IGF1R: variants seen among roughly 807,000 people sequenced by gnomAD.
The protein encoded by IGF1R is insulin like growth factor 1 receptor.
A neutral mutation model predicts 144.6 loss-of-function variants in IGF1R; 44 were observed. The observed-to-expected ratio is 0.30, with a 90% CI of 0.24 to 0.39. The LOEUF is 0.39. IGF1R is among the 10% of genes least tolerant of loss of function. The pLI is 1.00. For synonymous variants in IGF1R, 795 were observed against 722.8 expected (o/e 1.10, Z -1.60); for missense variants, 1,355 against 1,833.7 (o/e 0.74, Z 4.77).
intron 20 of IGF1R, 26 bp from the exon 21 acceptor site, chr15:98,957,035 C>T (rs751248572): frequency 3.0e-5 from 48 of 1,613,638 alleles, no homozygotes; most frequent in Non-Finnish European, 3.6e-5. Context: ...CCGGTTTGGA[C>T]CCCCTCCCGT....
At position 98,963,894 on chromosome 15, in the gene IGF1R, C is replaced by G. The variant is rs1350714934; in HGVS notation, c.*6452C>G. 1.3e-5 allele frequency: 3 copies of G among 233,168 alleles called. No individual in the cohort carries two copies. Among genetic ancestry groups the G allele is most frequent in the Non-Finnish European group, 2.5e-5 (3 of 118,006 alleles). 14.4% of individuals were successfully genotyped at this position (233,168 alleles called of 1,614,324 possible). ...TGGATTGTTGGCCATGTCTCCCCAA[C>G]TCCACAATATCTCTATCATGGGAAA... On this transcript the variant is annotated 3_prime_UTR_variant, in exon 21 of 21. Transcript: ENST00000650285.
intron 12 of IGF1R, 146 bp from the exon 13 acceptor site, chr15:98,924,379 T>G: frequency 4.8e-6 from 4 of 837,660 alleles, no homozygotes; most frequent in Middle Eastern, 3.3e-4. Flanking sequence ...AGATTTGATT[T>G]CTTTGTCTTT....
intron 2 of IGF1R, among the ~76,000 whole-genome samples, chr15:98,762,802 C>A (rs2055338498): frequency 6.6e-6 from 1 of 151,752 alleles, no homozygotes; most frequent in African/African-American, 2.4e-5. Flanking sequence ...AATCCCAGCA[C>A]TTTAGGAGGC....
intron 20 of IGF1R, among the ~76,000 whole-genome samples, chr15:98,949,102 G>T (rs1376860858): frequency 6.6e-6 from 1 of 152,094 alleles, no homozygotes; most frequent in Non-Finnish European, 1.5e-5. Context: ...AGAGCCCCGC[G>T]CCCCACCTGT....
At chr15:98,914,277 A>G (rs2015144876) in intron 8 of IGF1R, among the ~76,000 whole-genome samples, 1 of 152,214 alleles carries the variant, frequency 6.6e-6, no homozygotes. Context: ...TTGGTAGGGG[A>G]CACAGGCATT....
chr15:98,780,253 T>C (rs2055824175), intron 2 of IGF1R, among the ~76,000 whole-genome samples: 1 of 151,998 alleles, frequency 6.6e-6, no homozygotes, highest in South Asian at 2.1e-4. Context: ...TAATAGTTGT[T>C]TAAATTAACA....
At chr15:98,686,933 G>C (rs58139454) in intron 1 of IGF1R, among the ~76,000 whole-genome samples, 28,098 of 152,136 alleles carry the variant, frequency 0.18, 2,901 homozygotes, top group Non-Finnish European at 0.22. Flanking sequence ...ACCTCCCAAA[G>C]TGCTGGGATT....
intron 2 of IGF1R, among the ~76,000 whole-genome samples, chr15:98,726,979 C>T (rs1477776743): frequency 6.6e-6 from 1 of 152,076 alleles, no homozygotes; most frequent in Non-Finnish European, 1.5e-5. Context: ...CCTTGGCCTC[C>T]CAAAGTGCTG....
At chr15:98,777,982 G>T (rs145900512) in intron 2 of IGF1R, among the ~76,000 whole-genome samples, 1 of 152,214 alleles carries the variant, frequency 6.6e-6, no homozygotes, top group Non-Finnish European at 1.5e-5. Flanking sequence ...TTTTTGATGT[G>T]TGTACGGGGG....
chr15:98,670,706 A>T (rs2052866199), intron 1 of IGF1R, among the ~76,000 whole-genome samples: 1 of 152,142 alleles, frequency 6.6e-6, no homozygotes, highest in African/African-American at 2.4e-5. Context: ...TTGCAGTTAT[A>T]TTTGACTACA....
intron 14 of IGF1R, 130 bp downstream of exon 14, chr15:98,929,790 A>C (rs1381853477): frequency 1.4e-6 from 1 of 736,662 alleles, no homozygotes; most frequent in African/African-American, 1.7e-5. Flanking sequence ...TTTTCCCATC[A>C]AATGTTCTTC....
intron 2 of IGF1R, among the ~76,000 whole-genome samples, chr15:98,861,223 C>T (rs1325909642): frequency 6.6e-6 from 1 of 152,186 alleles, no homozygotes; most frequent in Non-Finnish European, 1.5e-5. Flanking sequence ...TATACAAGAC[C>T]TTGGCACACC....
At chr15:98,698,994 G>A (rs544050521) in intron 1 of IGF1R, among the ~76,000 whole-genome samples, 3 of 152,370 alleles carry the variant, frequency 2.0e-5, no homozygotes, top group African/African-American at 7.2e-5. Context: ...GATGTAATGT[G>A]TTCTACAAAA....
chr15:98,691,998 G>T (rs1313405621), intron 1 of IGF1R, among the ~76,000 whole-genome samples: 1 of 152,130 alleles, frequency 6.6e-6, no homozygotes, highest in Non-Finnish European at 1.5e-5. Flanking sequence ...GGTGTTATTA[G>T]ATTGGTAATT....
In IGF1R at chr15:98,961,993, A is replaced by G; in HGVS notation, c.*4551A>G. 2 of 233,308 alleles carry G rather than the reference A, an allele frequency of 8.6e-6. No individual in the cohort carries two copies. Among genetic ancestry groups the G allele is most frequent in the Non-Finnish European group, 1.7e-5 (2 of 118,060 alleles). The allele number at this position is 233,308 out of a possible 1,614,324, so 14.5% of individuals were successfully genotyped here. Reference sequence around the variant, plus strand: ...ACATTGGGGTGCTTTGGGATAAAAGATTTATGAGCCAACTATTCTCTGGCA... The same window carrying G: ...ACATTGGGGTGCTTTGGGATAAAAGGTTTATGAGCCAACTATTCTCTGGCA... On this transcript the variant is annotated 3_prime_UTR_variant, in exon 21 of 21. Transcript: ENST00000650285.
intron 2 of IGF1R, among the ~76,000 whole-genome samples, chr15:98,741,559 A>C (rs915023342): frequency 6.6e-6 from 1 of 152,182 alleles, no homozygotes; most frequent in East Asian, 1.9e-4. Context: ...TAAATTGCCA[A>C]GTCTTTCCAG....
At chr15:98,813,005 G>C (rs150373755) in intron 2 of IGF1R, among the ~76,000 whole-genome samples, 5 of 152,296 alleles carry the variant, frequency 3.3e-5, no homozygotes, top group African/African-American at 4.8e-5. Context: ...TGGCTTCTCC[G>C]ATAGTGCTGG....
At chr15:98,877,010 A>G (rs1200882449) in intron 2 of IGF1R, among the ~76,000 whole-genome samples, 1 of 152,262 alleles carries the variant, frequency 6.6e-6, no homozygotes, top group African/African-American at 2.4e-5. Context: ...ATAAATGTTT[A>G]CAAGTCCAAA....
chr15:98,929,715 G>A (rs2015867363), intron 14 of IGF1R, 55 bp downstream of exon 14: 6 of 1,125,246 alleles, frequency 5.3e-6, no homozygotes, highest in Non-Finnish European at 8.2e-6. Context: ...TTGATGATTT[G>A]AATGTGAGTG....
Sources: gnomAD v4.1 joint callset for allele counts (sites outside exome capture counted in the v4.1 genomes callset) on GRCh38, gnomAD v4.1.1 for gene constraint, MANE v1.5 for transcripts, NCBI Gene and HGNC (gene_info 2026-07-23, HGNC 2026-07-21) for gene names.